The following SYT14 variants were observed in gnomAD, a reference collection of about 807,000 sequenced individuals.
SYT14 encodes the protein synaptotagmin 14.
Under a neutral mutation model 74.2 loss-of-function variants are expected in SYT14, and 32 were observed. That is an observed-to-expected ratio of 0.43 (90% CI 0.33 to 0.58). The LOEUF is 0.58. Among genes scored for constraint, SYT14 ranks in the 20% least tolerant of loss-of-function variants. SYT14 has a pLI of 0.05. For missense variants in SYT14, 791 were observed against 981.8 expected, an observed-to-expected ratio of 0.81 and a Z score of 2.60; for synonymous variants, 298 against 337.7, an observed-to-expected ratio of 0.88 and a Z score of 1.29.
chr1:210,130,612 C>T (rs906468800), intron 7 of SYT14, among the ~76,000 whole-genome samples: 3 of 152,278 alleles, frequency 2.0e-5, no homozygotes, highest in Non-Finnish European at 4.4e-5. Context: ...ATAGTCCCAC[C>T]TGGACTGTCC....
intron 7 of SYT14, among the ~76,000 whole-genome samples, chr1:210,134,278 A>AT (rs969888351): frequency 6.6e-6 from 1 of 151,396 alleles, no homozygotes; most frequent in Non-Finnish European, 1.5e-5. Context: ...AATTTTTAAA[A>AT]TTTTTTTTGT....
chr1:210,038,127 T>G (rs1024489076), intron 5 of SYT14, among the ~76,000 whole-genome samples: 6 of 152,056 alleles, frequency 3.9e-5, no homozygotes, highest in African/African-American at 1.4e-4. Context: ...AATTTCGGAT[T>G]GTTACATCTT....
intron 2 of SYT14, among the ~76,000 whole-genome samples, chr1:209,995,166 A>G (rs2079765434): frequency 6.6e-6 from 1 of 152,170 alleles, no homozygotes; most frequent in African/African-American, 2.4e-5. Flanking sequence ...ATGTAAATAC[A>G]CTAAAACCCC....
chr1:210,128,952 C>T (rs2082623283), intron 7 of SYT14, among the ~76,000 whole-genome samples: 1 of 152,084 alleles, frequency 6.6e-6, no homozygotes, highest in Non-Finnish European at 1.5e-5. Context: ...CAGATTTTTC[C>T]ATCTTTTACT....
At chr1:210,020,193 C>T (rs1415906408) in intron 4 of SYT14, among the ~76,000 whole-genome samples, 1 of 151,950 alleles carries the variant, frequency 6.6e-6, no homozygotes, top group East Asian at 1.9e-4. Context: ...TTATTCTTTC[C>T]CTGAGAGTTC....
chr1:210,099,437 GTAAA>G (rs1415767037), intron 6 of SYT14, among the ~76,000 whole-genome samples: 2 of 152,122 alleles, frequency 1.3e-5, no homozygotes, highest in African/African-American at 4.8e-5. Context: ...GTTATGGAAA[GTAAA>G]TATTTGACCG....
intron 5 of SYT14, among the ~76,000 whole-genome samples, chr1:210,052,411 C>G (rs890500767): frequency 6.6e-6 from 1 of 151,978 alleles, no homozygotes. Context: ...GCCTGTAATC[C>G]CAGCACCCTG....
At chr1:209,991,509 G>A (rs1221193685) in intron 2 of SYT14, among the ~76,000 whole-genome samples, 1 of 152,090 alleles carries the variant, frequency 6.6e-6, no homozygotes, top group Admixed American at 6.5e-5. Context: ...ACATACATAT[G>A]GCCAAGAAGC....
intron 2 of SYT14, among the ~76,000 whole-genome samples, chr1:209,974,151 T>C (rs1447560969): frequency 6.6e-6 from 1 of 151,648 alleles, no homozygotes; most frequent in Non-Finnish European, 1.5e-5. Context: ...TGTTCTCCCA[T>C]TCTGTAGGTT....
chr1:210,031,190 T>C (rs1001456160), intron 5 of SYT14, among the ~76,000 whole-genome samples: 31 of 151,592 alleles, frequency 2.0e-4, no homozygotes, highest in African/African-American at 7.5e-4. Context: ...CTGTTGATAG[T>C]ATCATATGGT....
intron 2 of SYT14, among the ~76,000 whole-genome samples, chr1:209,976,272 T>C (rs1293983613): frequency 6.7e-6 from 1 of 148,632 alleles, no homozygotes; most frequent in Non-Finnish European, 1.5e-5. Flanking sequence ...CTCTTGCTTC[T>C]CTAGTTCTTT....
At chr1:210,091,778 C>A (rs2081873532) in intron 5 of SYT14, among the ~76,000 whole-genome samples, 1 of 152,146 alleles carries the variant, frequency 6.6e-6, no homozygotes, top group African/African-American at 2.4e-5. Flanking sequence ...GCCCCATCCC[C>A]AGCTTCAAAT....
At chr1:210,052,950 C>T (rs1016922838) in intron 5 of SYT14, among the ~76,000 whole-genome samples, 1 of 151,956 alleles carries the variant, frequency 6.6e-6, no homozygotes, top group African/African-American at 2.4e-5. Context: ...CTGCCATATT[C>T]TCTACATTTT....
At position 210,056,659 on chromosome 1, in the gene SYT14, C is replaced by CA. The variant is rs1196789715; in HGVS notation, c.1312+35422dup. On this transcript the variant is annotated intron_variant, in intron 5 of 9. Coordinates refer to ENST00000637265, the Ensembl canonical transcript of SYT14. Reference sequence around the variant, plus strand: ...TGAAACCCCGTCTCTACTAAAAATACAAAAAAAAAAAAAAAAATTAGCCGG... The same window carrying CA: ...TGAAACCCCGTCTCTACTAAAAATACAAAAAAAAAAAAAAAAAATTAGCCGG... Among the ~76,000 whole-genome samples the CA allele has an allele frequency of 7.8e-3, 621 of 79,384 alleles. 20 individuals are homozygous for CA. Among genetic ancestry groups the CA allele is most frequent in the African/African-American group, 0.023 (439 of 18,994 alleles). The allele number at this position is 79,384 out of a possible 152,430, so 52.1% of individuals were successfully genotyped here. A position where few individuals can be genotyped will look rare whatever the true frequency, so the allele number is the denominator to read the frequency against.
At chr1:209,949,571 C>CA (rs34436607) in intron 1 of SYT14, among the ~76,000 whole-genome samples, 19,380 of 81,650 alleles carry the variant, frequency 0.24, 3,832 homozygotes, top group African/African-American at 0.51. Context: ...GACTCCGTCT[C>CA]AAAAAAAAAA....
rs553262328 is a variant in SYT14 at position 210,053,792 on chromosome 1, T to C, written c.1312+32538T>C. 1.8e-4 allele frequency among the ~76,000 whole-genome samples: 28 copies of C among 152,328 alleles called. 1 individual carries two copies. The South Asian group carries it at 5.4e-3, about 29-fold the overall frequency. On this transcript the variant is annotated intron_variant, in intron 5 of 9. Transcript: ENST00000637265. ...TATCATCACAGCACCTTTAATTTTC[T>C]ATTAATTTATGTATGTAAGTATATT... is the stretch of plus-strand genomic sequence containing the variant.
rs1481492435 is a variant in SYT14, at chr1:210,003,934, A to T, written c.-485-9699A>T. ...TTCTGTTTGTTTTATTCTGCTTTTT[A>T]ATTTTTTTTCCTTATTGTGAAAGTC... On this transcript the variant is annotated intron_variant, in intron 2 of 9. Transcript: ENST00000637265. Among the ~76,000 whole-genome samples, 6 of 151,802 alleles carry T rather than the reference A, an allele frequency of 4.0e-5. No individual in the cohort carries two copies. The East Asian group carries it at 1.2e-3, about 29-fold the overall frequency.
At chr1:210,081,792 G>A (rs2081621627) in intron 5 of SYT14, among the ~76,000 whole-genome samples, 1 of 152,138 alleles carries the variant, frequency 6.6e-6, no homozygotes, top group East Asian at 1.9e-4. Context: ...TCACAAAACA[G>A]AATAAACAAT....
chr1:209,938,393 G>T, intron 1 of SYT14, 116 bp downstream of exon 1: 1 of 1,031,066 alleles, frequency 9.7e-7, no homozygotes, highest in Non-Finnish European at 1.4e-6. Context: ...GTCTGGAGCC[G>T]GCTGAAGACG....
Sources: allele counts gnomAD v4.1 joint callset (sites outside exome capture counted in the v4.1 genomes callset), GRCh38; gene constraint gnomAD v4.1.1; transcripts MANE v1.5; gene names NCBI Gene and HGNC (gene_info 2026-07-23, HGNC 2026-07-21).